The following FAM222B variants were observed in gnomAD, a reference collection of about 807,000 sequenced individuals.
The protein encoded by FAM222B is family with sequence similarity 222 member B.
In FAM222B, 12 loss-of-function variants were observed where a neutral mutation model predicts 38.0. That is an observed-to-expected ratio of 0.32 (90% CI 0.20 to 0.51). The LOEUF is 0.51. Among genes scored for constraint, FAM222B ranks in the 20% least tolerant of loss-of-function variants. The pLI is 0.97. For missense variants in FAM222B, 716 were observed against 754.2 expected (o/e 0.95, Z 0.59); for synonymous variants, 329 against 317.2 (o/e 1.04, Z -0.40).
chr17:28,835,675 T>C (rs2038820386), intron 1 of FAM222B, among the ~76,000 whole-genome samples: 1 of 152,106 alleles, frequency 6.6e-6, no homozygotes, highest in East Asian at 1.9e-4. Context: ...TTTGTTGTTG[T>C]TTTAAATAGG....
chr17:28,812,284 A>C (rs2037810966), intron 1 of FAM222B: 2 of 152,362 alleles, frequency 1.3e-5, no homozygotes, highest in African/African-American at 2.4e-5. Flanking sequence ...CGCCTTGGGC[A>C]GCTGAGCCCA....
rs541838433 is a variant in FAM222B, at chr17:28,769,846, C to A, written c.-40-3139G>T. ...CTACCGCTTTAGGACTTTGTCCTTA[C>A]CATTCCCTCTGCCTGGAATGTTCTT... is the stretch of plus-strand genomic sequence containing the variant. On this transcript the variant is annotated intron_variant, in intron 1 of 2. Transcript: ENST00000581407. Among the ~76,000 whole-genome samples, 3 of 152,316 alleles carry A rather than the reference C, an allele frequency of 2.0e-5. No homozygotes were observed. The East Asian group carries it at 5.8e-4, about 29-fold the overall frequency.
chr17:28,762,626 C>CAAAAAAAA (rs10618524), intron 2 of FAM222B, among the ~76,000 whole-genome samples: 2 of 48,154 alleles, frequency 4.2e-5, no homozygotes, highest in Non-Finnish European at 7.6e-5. Context: ...GACTCCATCT[C>CAAAAAAAA]AAAAAAAAAA....
At chr17:28,852,153 G>C (rs1172228796) in intron 1 of FAM222B, among the ~76,000 whole-genome samples, 1 of 151,794 alleles carries the variant, frequency 6.6e-6, no homozygotes, top group Non-Finnish European at 1.5e-5. Flanking sequence ...GGATCACGAG[G>C]TCAGGAGATC....
chr17:28,758,710 C>G lies in FAM222B; in HGVS notation c.1249G>C (p.Ala417Pro), dbSNP rs754580506. ...APAYPQELCL[A>P]QSFHLKPPLE... ...GGTGGCTTCAGATGGAAGGACTGCGCCAGGCAGAGTTCCTGCGGGTAGGCA... is the reference window on the plus strand; with the variant it reads ...GGTGGCTTCAGATGGAAGGACTGCGGCAGGCAGAGTTCCTGCGGGTAGGCA... Residue 417 changes from alanine to proline, a missense_variant, in exon 3 of 3, where the codon GCG becomes CCG. Ala to Pro is a conservative substitution (Grantham distance 27). Transcript: ENST00000581407. 6.3e-7 allele frequency: 1 copy of G among 1,595,900 alleles called. No individual in the cohort carries two copies. The highest frequency in any genetic ancestry group is 1.7e-5 in the Admixed American group (1 of 57,540).
At chr17:28,775,678 C>T (rs1372651633) in intron 1 of FAM222B, among the ~76,000 whole-genome samples, 1 of 151,358 alleles carries the variant, frequency 6.6e-6, no homozygotes, top group Non-Finnish European at 1.5e-5. Flanking sequence ...GTCAGGAGTT[C>T]GTGACCAGCC....
At position 28,839,355 on chromosome 17, in the gene FAM222B, C is replaced by T. The variant is rs916869243; in HGVS notation, c.-41+3327G>A. Among the ~76,000 whole-genome samples the T allele has an allele frequency of 2.0e-5, 3 of 152,050 alleles. No homozygotes were observed. In the East Asian group the frequency reaches 5.8e-4, roughly 29 times the overall value. On this transcript the variant is annotated intron_variant, in intron 1 of 2. Transcript: ENST00000581407. ...CACGAAAGGCAATCAAGATACTAGC[C>T]CACCCCTTTTTCTTCCCCAGGGAAA...
intron 1 of FAM222B, among the ~76,000 whole-genome samples, chr17:28,779,208 C>T (rs916093964): frequency 6.6e-6 from 1 of 152,058 alleles, no homozygotes; most frequent in Non-Finnish European, 1.5e-5. Flanking sequence ...TACCCTGATA[C>T]CAAAGCGAGA....
intron 2 of FAM222B, among the ~76,000 whole-genome samples, chr17:28,761,423 C>G (rs1333756479): frequency 6.6e-6 from 1 of 152,210 alleles, no homozygotes; most frequent in Non-Finnish European, 1.5e-5. Flanking sequence ...CTAGCCGACT[C>G]TCTCCTTACT....
rs60664262 is a variant in FAM222B at position 28,790,884 on chromosome 17, CTTTT to C, written c.-40-24181_-40-24178del. Among the ~76,000 whole-genome samples the C allele has an allele frequency of 7.7e-3, 663 of 86,050 alleles. 114 individuals are homozygous for C. The highest frequency in any genetic ancestry group is 0.019 in the East Asian group (54 of 2,848). The allele number at this position is 86,050 out of a possible 152,430, so 56.5% of individuals were successfully genotyped here. ...GTTCTATATATTTCAAATTGTTTCA[CTTTT>C]TTTTTTTTTTTTTTTTTTTTTTTTT... is the stretch of plus-strand genomic sequence containing the variant. On this transcript the variant is annotated intron_variant, in intron 1 of 2. Transcript: ENST00000581407.
At chr17:28,785,048 G>C (rs2036343773) in intron 1 of FAM222B, among the ~76,000 whole-genome samples, 1 of 152,042 alleles carries the variant, frequency 6.6e-6, no homozygotes, top group Non-Finnish European at 1.5e-5. Flanking sequence ...GAGCCACTGT[G>C]CCCAGCCTTA....
rs777163802 is a variant in FAM222B at position 28,758,587 on chromosome 17, G to A, written c.1372C>T (p.Leu458=). The change falls in exon 3 of 3, where the codon CTG becomes TTG. Residue 458 remains leucine (L), a synonymous_variant. Coordinates refer to ENST00000581407, the MANE Select transcript of FAM222B (RefSeq NM_001077498.3). ...GAGCTGTCGCTATTGGGAGTGGGCA[G>A]AATGTTGTTCCACAGGGGTTGGAAG... is the stretch of plus-strand genomic sequence containing the variant. The part of the protein sequence containing the change: ...HYFQPLWNNI[L]PTPNSDSSGS... 1.2e-6 allele frequency: 2 copies of A among 1,610,710 alleles called. No individual in the cohort carries two copies. The highest frequency in any genetic ancestry group is 1.7e-6 in the Non-Finnish European group (2 of 1,179,870).
chr17:28,805,182 A>G (rs529841293), intron 1 of FAM222B, among the ~76,000 whole-genome samples: 195 of 152,102 alleles, frequency 1.3e-3, no homozygotes, highest in Admixed American at 4.2e-3. Flanking sequence ...ACATAGGGAG[A>G]CCCCGTCTCT....
At position 28,757,346 on chromosome 17, in the gene FAM222B, T is replaced by C. The variant is rs3744638; in HGVS notation, c.*924A>G. ...TTAAAACTTACAGTGTAGAGCAATATTCTTAGCCAGTGTAGAGAGAACCAA... is the reference window on the plus strand; with the variant it reads ...TTAAAACTTACAGTGTAGAGCAATACTCTTAGCCAGTGTAGAGAGAACCAA... On this transcript the variant is annotated 3_prime_UTR_variant, in exon 3 of 3. Coordinates refer to ENST00000581407, the MANE Select transcript of FAM222B (RefSeq NM_001077498.3). 0.034 allele frequency: 5,145 copies of C among 152,488 alleles called. 128 individuals are homozygous for C. The highest frequency in any genetic ancestry group is 0.1 in the East Asian group (540 of 5,178). The allele number at this position is 152,488 out of a possible 1,614,324, so 9.4% of individuals were successfully genotyped here. A position where few individuals can be genotyped will look rare whatever the true frequency, so the allele number is the denominator to read the frequency against.
chr17:28,762,386 G>A (rs1431163398), intron 2 of FAM222B, among the ~76,000 whole-genome samples: 1 of 152,080 alleles, frequency 6.6e-6, no homozygotes, highest in Non-Finnish European at 1.5e-5. Flanking sequence ...CTGGCACTTT[G>A]GGAGGCCGAG....
At chr17:28,827,830 A>AT (rs1399172165) in intron 1 of FAM222B, among the ~76,000 whole-genome samples, 1 of 152,208 alleles carries the variant, frequency 6.6e-6, no homozygotes, top group African/African-American at 2.4e-5. Flanking sequence ...GGGAAAGGGC[A>AT]TAAGTAGTCT....
chr17:28,829,957 C>T (rs2038604134), intron 1 of FAM222B, among the ~76,000 whole-genome samples: 1 of 151,544 alleles, frequency 6.6e-6, no homozygotes, highest in Non-Finnish European at 1.5e-5. Context: ...TCAAGAAATT[C>T]TCCTGCCTCA....
chr17:28,774,976 A>T (rs572835223), intron 1 of FAM222B, among the ~76,000 whole-genome samples: 13 of 147,780 alleles, frequency 8.8e-5, no homozygotes, highest in Non-Finnish European at 5.9e-5. Context: ...ATAAATAAAT[A>T]AAACAAACAA....
chr17:28,801,563 G>A (rs1272425026), intron 1 of FAM222B, among the ~76,000 whole-genome samples: 1 of 149,804 alleles, frequency 6.7e-6, no homozygotes, highest in Non-Finnish European at 1.5e-5. Context: ...AGTAAAACAG[G>A]CTGGGCATGG....
Sources: gnomAD v4.1 joint callset for allele counts (sites outside exome capture counted in the v4.1 genomes callset) on GRCh38, gnomAD v4.1.1 for gene constraint, MANE v1.5 for transcripts, NCBI Gene and HGNC (gene_info 2026-07-23, HGNC 2026-07-21) for gene names.